The following NR3C2 variants were observed in gnomAD, a reference collection of about 807,000 sequenced individuals.
NR3C2 encodes mineralocorticoid receptor.
NR3C2 carries 15 observed loss-of-function variants against 86.4 expected under a neutral mutation model. The observed-to-expected ratio is 0.17, with a 90% CI of 0.12 to 0.27. NR3C2 has a LOEUF of 0.27. Ranked by LOEUF, NR3C2 falls within the 10% of genes least tolerant of loss-of-function variation. The pLI, the probability that NR3C2 is intolerant of heterozygous loss-of-function variation, is 1.00. For synonymous variants in NR3C2, 458 were observed against 450.5 expected (o/e 1.02, Z -0.21); for missense variants, 960 against 1,195.6 (o/e 0.80, Z 2.91).
chr4:148,388,374 T>C (rs1040812911), intron 2 of NR3C2, among the ~76,000 whole-genome samples: 1 of 152,188 alleles, frequency 6.6e-6, no homozygotes, highest in African/African-American at 2.4e-5. Flanking sequence ...CAGTGAGCAT[T>C]TCCCTTGGGC....
chr4:148,103,991 C>T (rs1345345608), intron 8 of NR3C2, among the ~76,000 whole-genome samples: 1 of 152,158 alleles, frequency 6.6e-6, no homozygotes, highest in Admixed American at 6.5e-5. Flanking sequence ...TGCATTTTCC[C>T]AATTATACAA....
chr4:148,445,001 C>T (rs1325762772), upstream of NR3C2: 1 of 984,766 alleles, frequency 1.0e-6, no homozygotes, highest in African/African-American at 1.7e-5. Flanking sequence ...GAGCCTGCGC[C>T]CCCCTCCCCG....
intron 3 of NR3C2, among the ~76,000 whole-genome samples, chr4:148,258,438 T>C (rs998806671): frequency 8.5e-5 from 13 of 152,204 alleles, no homozygotes; most frequent in African/African-American, 3.1e-4. Flanking sequence ...GGCCTTCTGG[T>C]AACAGAACCC....
At chr4:148,410,624 G>A (rs72658641) in intron 2 of NR3C2, among the ~76,000 whole-genome samples, 133 of 152,118 alleles carry the variant, frequency 8.7e-4, no homozygotes, top group African/African-American at 2.7e-3. Context: ...TATGTACAAC[G>A]GCCAGGGACC....
At chr4:148,350,391 T>C (rs1745214555) in intron 2 of NR3C2, among the ~76,000 whole-genome samples, 1 of 152,122 alleles carries the variant, frequency 6.6e-6, no homozygotes, top group Non-Finnish European at 1.5e-5. Context: ...GATTAATAAG[T>C]ACTTGGATAG....
chr4:148,260,897 G>C (rs1048511987), intron 2 of NR3C2, among the ~76,000 whole-genome samples: 1 of 152,168 alleles, frequency 6.6e-6, no homozygotes, highest in Non-Finnish European at 1.5e-5. Context: ...TACTGTGTTA[G>C]TTGATGACAC....
intron 4 of NR3C2, among the ~76,000 whole-genome samples, chr4:148,185,218 T>A (rs1292028325): frequency 1.3e-5 from 2 of 152,246 alleles, no homozygotes; most frequent in African/African-American, 4.8e-5. Flanking sequence ...AAAGAAAGGA[T>A]AACTTGCCTG....
intron 5 of NR3C2, 63 bp downstream of exon 5, chr4:148,154,488 G>T: frequency 6.8e-7 from 1 of 1,469,214 alleles, no homozygotes; most frequent in Non-Finnish European, 9.5e-7. Context: ...TGGAGATGGC[G>T]AAGTCAGTTG....
At chr4:148,364,875 C>A (rs748031620) in intron 2 of NR3C2, among the ~76,000 whole-genome samples, 1 of 151,276 alleles carries the variant, frequency 6.6e-6, no homozygotes, top group Non-Finnish European at 1.5e-5. Context: ...GGATGGGACC[C>A]AAGTCTAAAC....
intron 6 of NR3C2, among the ~76,000 whole-genome samples, chr4:148,136,893 C>G (rs1733372886): frequency 6.6e-6 from 1 of 152,158 alleles, no homozygotes; most frequent in Admixed American, 6.5e-5. Flanking sequence ...CAGTAACTCA[C>G]CAGCTACACT....
chr4:148,299,471 AGC>A (rs2149919741), intron 2 of NR3C2, among the ~76,000 whole-genome samples: 1 of 152,254 alleles, frequency 6.6e-6, no homozygotes, highest in Admixed American at 6.5e-5. Flanking sequence ...CTCACCCAAC[AGC>A]CACAGACATG....
chr4:148,278,397 GC>G (rs1458187415), intron 2 of NR3C2, among the ~76,000 whole-genome samples: 1 of 152,088 alleles, frequency 6.6e-6, no homozygotes, highest in Non-Finnish European at 1.5e-5. Context: ...ACTACGCCCA[GC>G]CCAGAATCAC....
rs147000323 is a variant in NR3C2 at position 148,209,173 on chromosome 4, G to A, written c.1898-14311C>T. ...GCAGGAGAATGGCGTGAACCCAGGA[G>A]GCAGAGGTTGCAGTGAGCCGAAATA... On this transcript the variant is annotated intron_variant, in intron 3 of 8. Coordinates refer to ENST00000358102, the MANE Select transcript of NR3C2 (RefSeq NM_000901.5). Among the ~76,000 whole-genome samples the A allele has an allele frequency of 1.1e-3, 163 of 151,938 alleles. 5 individuals are homozygous for A. In the East Asian group the frequency reaches 0.025, roughly 24 times the overall value.
At chr4:148,294,767 A>G (rs957072876) in intron 2 of NR3C2, among the ~76,000 whole-genome samples, 5 of 152,012 alleles carry the variant, frequency 3.3e-5, no homozygotes, top group Non-Finnish European at 5.9e-5. Context: ...ACTTGAGCCC[A>G]GGAGTTCAAG....
chr4:148,297,976 C>A (rs575368584), intron 2 of NR3C2, among the ~76,000 whole-genome samples: 1 of 151,952 alleles, frequency 6.6e-6, no homozygotes, highest in South Asian at 2.1e-4. Context: ...AAGGAACTCT[C>A]AGGCACTGTT....
chr4:148,333,659 A>AT (rs76336258), intron 2 of NR3C2, among the ~76,000 whole-genome samples: 21,940 of 151,968 alleles, frequency 0.14, 1,729 homozygotes, highest in South Asian at 0.27. Context: ...TGAGAGACAC[A>AT]TTTTTTTTGT....
Position 148,114,760 on chromosome 4 carries a change from C to T in NR3C2, c.2642-499G>A, listed in dbSNP as rs182922571. On this transcript the variant is annotated intron_variant, in intron 7 of 8. Coordinates refer to ENST00000358102, the MANE Select transcript of NR3C2 (RefSeq NM_000901.5). ...AATATATTTTGATTTTCCAGGATAA[C>T]TGAAGAGCCATAGACAATCTAGGTT... 5.1e-3 allele frequency among the ~76,000 whole-genome samples: 783 copies of T among 152,292 alleles called. 3 individuals are homozygous for T. The highest frequency in any genetic ancestry group is 8.5e-3 in the Non-Finnish European group (575 of 68,012).
chr4:148,145,619 C>A (rs1032015937), intron 6 of NR3C2, among the ~76,000 whole-genome samples: 1 of 152,174 alleles, frequency 6.6e-6, no homozygotes, highest in Non-Finnish European at 1.5e-5. Context: ...AGACAGATTC[C>A]CCCGCTGGGA....
At chr4:148,192,107 T>A (rs1736224525) in intron 4 of NR3C2, among the ~76,000 whole-genome samples, 1 of 152,240 alleles carries the variant, frequency 6.6e-6, no homozygotes, top group Non-Finnish European at 1.5e-5. Flanking sequence ...TCTTCTCATT[T>A]GTGCAGGCTC....
Sources: allele counts gnomAD v4.1 joint callset (sites outside exome capture counted in the v4.1 genomes callset), GRCh38; gene constraint gnomAD v4.1.1; transcripts MANE v1.5; gene names NCBI Gene and HGNC (gene_info 2026-07-23, HGNC 2026-07-21).